The following DGKD variants were observed in gnomAD, a reference collection of about 807,000 sequenced individuals.
DGKD encodes the protein diacylglycerol kinase delta.
A neutral mutation model predicts 154.4 loss-of-function variants in DGKD; 68 were observed. The ratio of observed to expected loss-of-function variants is 0.44; its 90% CI spans 0.36 to 0.54. The LOEUF (loss-of-function observed/expected upper bound fraction) is 0.54. Among genes scored for constraint, DGKD ranks in the 20% least tolerant of loss-of-function variants. The pLI is 0.00. For missense variants in DGKD, 1,343 were observed against 1,593.6 expected, an observed-to-expected ratio of 0.84 and a Z score of 2.68; for synonymous variants, 693 against 638.0, an observed-to-expected ratio of 1.09 and a Z score of -1.30.
intron 16 of DGKD, among the ~76,000 whole-genome samples, chr2:233,450,659 C>T (rs909011640): frequency 3.3e-5 from 5 of 152,194 alleles, no homozygotes; most frequent in Admixed American, 1.3e-4. Context: ...CCGCCTCCCA[C>T]AGCCCGGACT....
At chr2:233,465,255 T>C (rs1433845746) in intron 27 of DGKD, among the ~76,000 whole-genome samples, 1 of 152,142 alleles carries the variant, frequency 6.6e-6, no homozygotes, top group Non-Finnish European at 1.5e-5. Flanking sequence ...AAAATAATAA[T>C]ATACAATGAT....
intron 3 of DGKD, among the ~76,000 whole-genome samples, chr2:233,428,541 G>A (rs1351483623): frequency 1.3e-5 from 2 of 152,206 alleles, no homozygotes; most frequent in South Asian, 4.1e-4. Flanking sequence ...GCACCAACTG[G>A]CACCTCACAA....
intron 1 of DGKD, chr2:233,386,246 C>CT: frequency 3.1e-6 from 1 of 318,412 alleles, no homozygotes; most frequent in East Asian, 8.2e-5. Context: ...CCAGGAGAGA[C>CT]GTCTTCACAG....
At chr2:233,363,895 C>T (rs1701901903) in intron 1 of DGKD, among the ~76,000 whole-genome samples, 1 of 152,308 alleles carries the variant, frequency 6.6e-6, no homozygotes, top group Non-Finnish European at 1.5e-5. Context: ...TGTGAAAGTA[C>T]ACTCTGTGAT....
intron 24 of DGKD, among the ~76,000 whole-genome samples, chr2:233,461,277 C>T (rs2063631858): frequency 6.6e-6 from 1 of 152,238 alleles, no homozygotes; most frequent in South Asian, 2.1e-4. Context: ...TCTTGTTTCC[C>T]CTGGGCTCCT....
At chr2:233,366,747 G>A (rs185258235) in intron 1 of DGKD, among the ~76,000 whole-genome samples, 26 of 152,172 alleles carry the variant, frequency 1.7e-4, no homozygotes, top group African/African-American at 5.1e-4. Context: ...ATCTGAGCCC[G>A]AGAGTGAGGA....
rs766464597 is a variant in DGKD, at chr2:233,452,013, T to A, written c.2217T>A (p.Ser739Arg). 1.2e-5 allele frequency: 19 copies of A among 1,614,018 alleles called. No individual in the cohort carries two copies. The Admixed American group carries it at 1.3e-4, about 11-fold the overall frequency. Reference sequence around the variant, plus strand: ...CCTTACCCGGTGGCTCAGTCATCAGTCGCCTGTTAATTAATGCTGATCCCT... The same window carrying A: ...CCTTACCCGGTGGCTCAGTCATCAGACGCCTGTTAATTAATGCTGATCCCT... ...SGSLPGGSVI[S>R]RLLINADPFN... is the part of the protein sequence containing the mutation. The change falls in exon 18 of 30, where the codon AGT becomes AGA. Residue 739 changes from serine (S) to arginine (R), a missense_variant. Ser to Arg is a moderately radical substitution (Grantham distance 110). Coordinates refer to ENST00000264057, the MANE Select transcript of DGKD (RefSeq NM_152879.3). This position sits in a 1 kb window ranked among gnomAD's most constrained non-coding sequence, Gnocchi z 4.0.
intron 1 of DGKD, among the ~76,000 whole-genome samples, chr2:233,368,005 G>A (rs1265089467): frequency 1.3e-5 from 2 of 151,578 alleles, no homozygotes; most frequent in Admixed American, 1.3e-4. Context: ...TCTTTTCATT[G>A]GAGATGTGAT....
Position 233,469,739 on chromosome 2 carries a change from G to A in DGKD, c.*279G>A. ...GGGGCACATGTGTCACGGCCACTCA[G>A]CTCTCGCCCGCCTGTGCTGTGGGCC... is the stretch of plus-strand genomic sequence containing the variant. On this transcript the variant is annotated 3_prime_UTR_variant, in exon 30 of 30. Coordinates refer to ENST00000264057, the MANE Select transcript of DGKD (RefSeq NM_152879.3). 4.8e-6 allele frequency: 2 copies of A among 419,530 alleles called. No homozygotes were observed. The highest frequency in any genetic ancestry group is 4.5e-5 in the East Asian group (1 of 22,438). 26.0% of individuals were successfully genotyped at this position (419,530 alleles called of 1,614,324 possible). A position where few individuals can be genotyped will look rare whatever the true frequency, so the allele number is the denominator to read the frequency against.
chr2:233,436,517 G>T (rs117275921), intron 7 of DGKD, 76 bp downstream of exon 7: 3 of 1,533,670 alleles, frequency 2.0e-6, no homozygotes, highest in African/African-American at 2.7e-5. Context: ...TTGCGGCTCC[G>T]CATGATCTGC....
At chr2:233,413,447 C>T (rs1462724079) in intron 3 of DGKD, among the ~76,000 whole-genome samples, 1 of 151,572 alleles carries the variant, frequency 6.6e-6, no homozygotes, top group African/African-American at 2.4e-5. Flanking sequence ...TCTGCAGTGA[C>T]ATTTTCTGCA....
chr2:233,466,495 G>C (rs1222799032), intron 27 of DGKD, among the ~76,000 whole-genome samples: 1 of 152,044 alleles, frequency 6.6e-6, no homozygotes, highest in Non-Finnish European at 1.5e-5. Flanking sequence ...CTCTTATAAA[G>C]AGTGCATCAC....
chr2:233,400,710 C>T (rs769120871), intron 3 of DGKD, among the ~76,000 whole-genome samples: 4 of 152,114 alleles, frequency 2.6e-5, no homozygotes, highest in Non-Finnish European at 4.4e-5. Context: ...GCCCTGGTCA[C>T]CTCTCATGGG....
chr2:233,373,427 C>CA (rs989393792), intron 1 of DGKD, among the ~76,000 whole-genome samples: 3 of 152,094 alleles, frequency 2.0e-5, no homozygotes, highest in Non-Finnish European at 4.4e-5. Context: ...CCAAAGGAAA[C>CA]AAAAAGGCAT....
chr2:233,463,298 A>ACCTCACTCCACACATCT (rs2063711522), intron 26 of DGKD, among the ~76,000 whole-genome samples: 1 of 121,402 alleles, frequency 8.2e-6, no homozygotes, highest in Admixed American at 7.9e-5. Context: ...TGCACGCATC[A>ACCTCACTCCACACATCT]CCTCACTCCA....
rs766126986 is a variant in DGKD at position 233,437,432 on chromosome 2, A to G, written c.875A>G (p.Lys292Arg). Reference sequence around the variant, plus strand: ...ACCAAGTGCCCACTTGGCCTGTGCAAAGTGTCAGTCATCCCACCCACGGCT... The same window carrying G: ...ACCAAGTGCCCACTTGGCCTGTGCAGAGTGTCAGTCATCCCACCCACGGCT... Reference protein sequence around the residue: ...LLTKCPLGLCKVSVIPPTALN... With the variant: ...LLTKCPLGLCRVSVIPPTALN... The change falls in exon 8 of 30, where the codon AAA becomes AGA. Residue 292 changes from lysine (K) to arginine (R), a missense_variant. Around this residue, in one of 6 missense-constraint regions of DGKD, gnomAD observed 332 missense variants for 400.1 expected, o/e 0.83. Coordinates refer to ENST00000264057, the MANE Select transcript of DGKD (RefSeq NM_152879.3). 1.2e-6 allele frequency: 2 copies of G among 1,614,176 alleles called. No homozygotes were observed. The highest frequency in any genetic ancestry group is 1.7e-6 in the Non-Finnish European group (2 of 1,180,040).
chr2:233,366,345 T>G (rs1401623836), intron 1 of DGKD, among the ~76,000 whole-genome samples: 2 of 152,112 alleles, frequency 1.3e-5, no homozygotes, highest in Admixed American at 1.3e-4. Context: ...CCTGGGCCTG[T>G]GCTGTGGCTG....
chr2:233,435,877 A>G lies in DGKD; in HGVS notation c.646A>G (p.Thr216Ala). The change falls in exon 6 of 30, where the codon ACC becomes GCC. Residue 216 changes from threonine (T) to alanine (A), a missense_variant. Transcript: ENST00000264057. ...GCGTGCAACCAATAACTGCAAGTGG[A>G]CCACACTGGCCTCGATCGGGAAGGA... ...AVRATNNCKW[T>A]TLASIGKDII... 1.2e-6 allele frequency: 2 copies of G among 1,612,372 alleles called. No homozygotes were observed. The highest frequency in any genetic ancestry group is 2.7e-5 in the African/African-American group (2 of 74,910).
rs1417061455 is a variant in DGKD, at chr2:233,462,735, G to A, written c.3186G>A (p.Leu1062=). ...TELLLSGKMA[L]QLDPPQKEQL... ...TGCTGCTGTCTGGGAAGATGGCCCTGGTAAGCTGGTGCCCCAGGGACAGCA... is the reference window on the plus strand; with the variant it reads ...TGCTGCTGTCTGGGAAGATGGCCCTAGTAAGCTGGTGCCCCAGGGACAGCA... Residue 1062 remains leucine, a splice_region_variant and synonymous_variant, in exon 26 of 30, where the codon CTG becomes CTA. Coordinates refer to ENST00000264057, the MANE Select transcript of DGKD (RefSeq NM_152879.3). The A allele has an allele frequency of 2.5e-6, 4 of 1,613,138 alleles. No homozygotes were observed. The highest frequency in any genetic ancestry group is 1.7e-5 in the Admixed American group (1 of 60,022).
Sources: gnomAD v4.1 joint callset for allele counts (sites outside exome capture counted in the v4.1 genomes callset) on GRCh38, gnomAD v4.1.1 for gene constraint, gnomAD v4.1.1 regional missense constraint, Gnocchi (gnomAD v3.1) non-coding constraint, MANE v1.5 for transcripts, NCBI Gene and HGNC (gene_info 2026-07-23, HGNC 2026-07-21) for gene names.